The following ASH1L variants were observed in gnomAD, a reference collection of about 807,000 sequenced individuals.
The protein encoded by ASH1L is ASH1 like histone lysine methyltransferase.
In ASH1L, 23 loss-of-function variants were observed where a neutral mutation model predicts 269.0. That is an observed-to-expected ratio of 0.09 (90% CI 0.06 to 0.12). The LOEUF (loss-of-function observed/expected upper bound fraction) is 0.12. ASH1L is among the 10% of genes least tolerant of loss of function. The pLI is 1.00. For synonymous variants in ASH1L, 1,187 were observed against 1,253.5 expected (o/e 0.95, Z 1.12); for missense variants, 2,912 against 3,567.8 (o/e 0.82, Z 4.68).
In ASH1L at chr1:155,352,698, A is replaced by T; in HGVS notation, c.7366+8T>A. The T allele has an allele frequency of 6.3e-7, 1 of 1,577,618 alleles. No individual in the cohort carries two copies. The highest frequency in any genetic ancestry group is 1.8e-4 in the Middle Eastern group (1 of 5,680). ...AAAAAGAACGAATTTGAAGGTGGTT[A>T]TAGTCACCTTTATAAGAGATGATAC... is the stretch of plus-strand genomic sequence containing the variant. On this transcript the variant is annotated splice_region_variant and intron_variant, in intron 17 of 27. Transcript: ENST00000392403.
At chr1:155,562,878 GGCCGCCGCC>G (rs760485253), upstream of ASH1L, 4 of 321,754 alleles carry the variant, frequency 1.2e-5, no homozygotes, top group South Asian at 8.2e-5. Context: ...CCGCCGCCAC[GGCCGCCGCC>G]GCCGCCGCCA....
intron 1 of ASH1L, among the ~76,000 whole-genome samples, chr1:155,528,409 AAT>A (rs1461058788): frequency 1.3e-5 from 2 of 152,152 alleles, no homozygotes; most frequent in African/African-American, 4.8e-5. Context: ...AGTGATGATA[AAT>A]ATGTGAATGG....
chr1:155,479,316 G>A lies in ASH1L; in HGVS notation c.3554C>T (p.Pro1185Leu). The A allele has an allele frequency of 6.2e-7, 1 of 1,614,112 alleles. No homozygotes were observed. Among genetic ancestry groups the A allele is most frequent in the Non-Finnish European group, 8.5e-7 (1 of 1,180,018 alleles). Residue 1185 changes from proline to leucine, a missense_variant, in exon 3 of 28, where the codon CCT becomes CTT. This residue lies in a region of ASH1L where 157 missense variants were observed against 154.6 expected (regional missense o/e 1.02). Transcript: ENST00000392403. ...ACTATGAGACTCACTGATTGGGGAA[G>A]GAGTAGCTTCTTTTAGAGATGTGAG... ...SELTSLKEAT[P>L]SPISESHSDE...
intron 3 of ASH1L, 69 bp from the exon 4 acceptor site, chr1:155,459,967 T>C: frequency 8.2e-7 from 1 of 1,213,440 alleles, no homozygotes; most frequent in African/African-American, 1.5e-5. Flanking sequence ...AACCATCTTT[T>C]GTTAGAACTT....
intron 2 of ASH1L, among the ~76,000 whole-genome samples, chr1:155,500,016 T>C (rs1247518022): frequency 1.3e-5 from 2 of 152,242 alleles, no homozygotes; most frequent in South Asian, 2.1e-4. Flanking sequence ...TACTACATAA[T>C]GAAAGCAAGA....
At chr1:155,538,409 A>G (rs1435525185) in intron 1 of ASH1L, among the ~76,000 whole-genome samples, 21 of 142,478 alleles carry the variant, frequency 1.5e-4, no homozygotes, top group East Asian at 1.3e-3. Flanking sequence ...CCAGGCTGGA[A>G]TGCAATGGCG....
intron 5 of ASH1L, chr1:155,419,378 A>AT (rs1201666327): frequency 2.7e-5 from 4 of 150,704 alleles, no homozygotes; most frequent in African/African-American, 9.9e-5. Flanking sequence ...AAACAAAAAC[A>AT]TTAAAAAAAA....
In ASH1L at chr1:155,335,880, C is replaced by T. The variant is rs1474761077; in HGVS notation, c.*1780G>A. ...GACTAAAAGGAGACCCCCAAAGTGC[C>T]CCTAGTCCCACCTCCCTCCCACCCA... On this transcript the variant is annotated 3_prime_UTR_variant, in exon 28 of 28. Transcript: ENST00000392403. 1 of 152,286 alleles carries T rather than the reference C, an allele frequency of 6.6e-6. No individual in the cohort carries two copies. 9.4% of individuals were successfully genotyped at this position (152,286 alleles called of 1,614,324 possible). A position where few individuals can be genotyped will look rare whatever the true frequency, so the allele number is the denominator to read the frequency against.
intron 2 of ASH1L, among the ~76,000 whole-genome samples, chr1:155,496,359 C>T (rs565481411): frequency 2.0e-5 from 3 of 152,144 alleles, no homozygotes; most frequent in Non-Finnish European, 4.4e-5. Context: ...AACATGATTA[C>T]GCAGCACGCG....
intron 4 of ASH1L, among the ~76,000 whole-genome samples, chr1:155,452,700 G>A (rs1663578000): frequency 6.6e-6 from 1 of 152,012 alleles, no homozygotes; most frequent in South Asian, 2.1e-4. Context: ...GACTACAGGT[G>A]TGCGTGACCA....
intron 6 of ASH1L, among the ~76,000 whole-genome samples, chr1:155,404,986 C>T (rs1327037010): frequency 2.0e-5 from 3 of 151,480 alleles, no homozygotes; most frequent in African/African-American, 7.3e-5. Flanking sequence ...TGAGACCGCA[C>T]CACTGCACGC....
At position 155,377,593 on chromosome 1, in the gene ASH1L, A is replaced by C. The variant is rs564629641; in HGVS notation, c.6332+688T>G. ...AAAAACAAAACAAAACAAAACAAAA[A>C]CCCCAAAACAAGAAAGCCAAAACTT... On this transcript the variant is annotated intron_variant, in intron 10 of 27. Coordinates refer to ENST00000392403, the MANE Select transcript of ASH1L (RefSeq NM_018489.3). 2.1e-4 allele frequency among the ~76,000 whole-genome samples: 32 copies of C among 151,860 alleles called. 1 individual carries two copies. Among genetic ancestry groups the C allele is most frequent in the African/African-American group, 7.3e-4 (30 of 41,310 alleles).
At chr1:155,554,375 C>A (rs1219599238) in intron 1 of ASH1L, among the ~76,000 whole-genome samples, 4 of 151,924 alleles carry the variant, frequency 2.6e-5, no homozygotes, top group Admixed American at 1.3e-4. Context: ...CGGGTTCAAG[C>A]GATTCTCCTG....
intron 3 of ASH1L, among the ~76,000 whole-genome samples, chr1:155,470,288 G>A (rs1308330412): frequency 2.6e-5 from 4 of 151,778 alleles, no homozygotes; most frequent in Admixed American, 1.3e-4. Flanking sequence ...GTGAAACTCC[G>A]TCTCTACTAA....
chr1:155,539,596 ACACCAAC>A (rs1326599415), intron 1 of ASH1L, among the ~76,000 whole-genome samples: 1 of 152,054 alleles, frequency 6.6e-6, no homozygotes, highest in Non-Finnish European at 1.5e-5. Flanking sequence ...CTACAGGCAC[ACACCAAC>A]CATGCCCAGC....
intron 2 of ASH1L, among the ~76,000 whole-genome samples, chr1:155,484,942 A>C (rs1319216052): frequency 1.6e-4 from 22 of 134,042 alleles, no homozygotes; most frequent in African/African-American, 3.3e-4. Flanking sequence ...AAAAAAAAAA[A>C]ACAAAAACAA....
intron 3 of ASH1L, among the ~76,000 whole-genome samples, chr1:155,465,560 T>C (rs928169427): frequency 9.2e-5 from 14 of 152,198 alleles, no homozygotes; most frequent in African/African-American, 3.4e-4. Context: ...TGCTATGCAG[T>C]AGTCAGTTCT....
rs1449346957 is a variant in ASH1L at position 155,343,512 on chromosome 1, G to A, written c.8121-26C>T. ...CTAAAACAATGGAAAAGTGAGAAGG[G>A]AGAGGTTTAGCTGATTAGCAAGATC... is the stretch of plus-strand genomic sequence containing the variant. On this transcript the variant is annotated intron_variant, in intron 23 of 27. Coordinates refer to ENST00000392403, the MANE Select transcript of ASH1L (RefSeq NM_018489.3). This position sits in a 1 kb window ranked among gnomAD's most constrained non-coding sequence, Gnocchi z 6.1. The A allele has an allele frequency of 1.2e-6, 2 of 1,613,014 alleles. No individual in the cohort carries two copies. The highest frequency in any genetic ancestry group is 2.2e-5 in the South Asian group (2 of 90,942).
At chr1:155,408,824 G>A (rs1471829689) in intron 6 of ASH1L, among the ~76,000 whole-genome samples, 1 of 151,904 alleles carries the variant, frequency 6.6e-6, no homozygotes, top group African/African-American at 2.4e-5. Context: ...AGTCAAGCCT[G>A]GGCAACATAG....
Sources: allele counts gnomAD v4.1 joint callset (sites outside exome capture counted in the v4.1 genomes callset), GRCh38; gene constraint gnomAD v4.1.1; regional missense constraint gnomAD v4.1.1; non-coding constraint Gnocchi (gnomAD v3.1); transcripts MANE v1.5; gene names NCBI Gene and HGNC (gene_info 2026-07-23, HGNC 2026-07-21).